Variants in ZDHHC20 observed in about 807,000 individuals in gnomAD.
The protein encoded by ZDHHC20 is palmitoyltransferase ZDHHC20.
Under a neutral mutation model 57.8 loss-of-function variants are expected in ZDHHC20, and 43 were observed. That is an observed-to-expected ratio of 0.74 (90% CI 0.58 to 0.96). The LOEUF (loss-of-function observed/expected upper bound fraction) is 0.96, where lower values mean the gene tolerates loss of function less well. Ranked by LOEUF, ZDHHC20 falls within the 40% of genes least tolerant of loss-of-function variation. ZDHHC20 has a pLI of 0.00. For synonymous variants in ZDHHC20, 157 were observed against 153.0 expected, an observed-to-expected ratio of 1.03 and a Z score of -0.19; for missense variants, 391 against 441.1, an observed-to-expected ratio of 0.89 and a Z score of 1.02.
At chr13:21,386,025 A>C (rs1162604562) in intron 9 of ZDHHC20, among the ~76,000 whole-genome samples, 1 of 152,224 alleles carries the variant, frequency 6.6e-6, no homozygotes, top group Non-Finnish European at 1.5e-5. Flanking sequence ...ACAGAAAATA[A>C]CTTCAAAATT....
intron 9 of ZDHHC20, among the ~76,000 whole-genome samples, chr13:21,386,074 G>C (rs553722063): frequency 1.3e-5 from 2 of 152,312 alleles, no homozygotes; most frequent in South Asian, 4.1e-4. Context: ...AGTAATCTGT[G>C]TTCCAACCAA....
chr13:21,407,065 T>C (rs758819267), intron 4 of ZDHHC20, among the ~76,000 whole-genome samples: 1 of 152,170 alleles, frequency 6.6e-6, no homozygotes, highest in Non-Finnish European at 1.5e-5. Context: ...CTCAGCTCAC[T>C]GCAACCTCCA....
intron 3 of ZDHHC20, among the ~76,000 whole-genome samples, chr13:21,415,558 C>A (rs1043727971): frequency 1.1e-4 from 16 of 152,162 alleles, no homozygotes; most frequent in Non-Finnish European, 1.5e-4. Context: ...ATCTAATCTT[C>A]CATCACAAGC....
intron 1 of ZDHHC20, among the ~76,000 whole-genome samples, chr13:21,431,550 A>C (rs941421911): frequency 6.6e-6 from 1 of 152,260 alleles, no homozygotes; most frequent in Admixed American, 6.5e-5. Context: ...GTAACAGCCA[A>C]ACTGTTTTCA....
intron 4 of ZDHHC20, among the ~76,000 whole-genome samples, chr13:21,405,913 C>T (rs539823909): frequency 9.2e-5 from 14 of 152,170 alleles, no homozygotes; most frequent in Non-Finnish European, 1.5e-4. Context: ...CCAGCAGGAT[C>T]TGAACTCAGA....
chr13:21,412,981 A>AC (rs1225642878), intron 4 of ZDHHC20, among the ~76,000 whole-genome samples: 2 of 151,612 alleles, frequency 1.3e-5, no homozygotes, highest in East Asian at 3.8e-4. Context: ...AAAAAAAAAA[A>AC]AAAAAAAAAA....
Position 21,459,290 on chromosome 13 carries a change from G to A in ZDHHC20, c.-119C>T, listed in dbSNP as rs1001970823. 1.4e-6 allele frequency: 1 copy of A among 691,242 alleles called. No homozygotes were observed. Among genetic ancestry groups the A allele is most frequent in the African/African-American group, 1.9e-5 (1 of 52,248 alleles). 42.8% of individuals were successfully genotyped at this position (691,242 alleles called of 1,614,324 possible). On this transcript the variant is annotated 5_prime_UTR_variant, in exon 1 of 13. Transcript: ENST00000400590. ...GTCCAGCTCCCCCGCCTCCGAGGCA[G>A]GACTTGTGGGAGCAAAAGTCCGAGG...
chr13:21,430,588 G>A (rs1362229730), intron 1 of ZDHHC20, among the ~76,000 whole-genome samples: 4 of 151,982 alleles, frequency 2.6e-5, no homozygotes, highest in African/African-American at 9.7e-5. Context: ...GAGAGTGGGG[G>A]ATGGAGCACA....
At chr13:21,441,471 C>T (rs1209758133) in intron 1 of ZDHHC20, among the ~76,000 whole-genome samples, 4 of 150,798 alleles carry the variant, frequency 2.7e-5, no homozygotes, top group East Asian at 1.9e-4. Flanking sequence ...CTGCAAGCTC[C>T]GCCTCCTGGG....
intron 4 of ZDHHC20, among the ~76,000 whole-genome samples, chr13:21,406,342 ACT>A (rs1878438022): frequency 6.6e-6 from 1 of 151,572 alleles, no homozygotes; most frequent in South Asian, 2.1e-4. Flanking sequence ...CATCTAATTG[ACT>A]CTAGTTAAGC....
At chr13:21,424,494 G>T (rs1881023373) in intron 2 of ZDHHC20, among the ~76,000 whole-genome samples, 1 of 152,104 alleles carries the variant, frequency 6.6e-6, no homozygotes, top group Admixed American at 6.5e-5. Flanking sequence ...CGAATCACGA[G>T]GTCAGGAGAT....
At chr13:21,415,161 A>C (rs1347128684) in intron 3 of ZDHHC20, among the ~76,000 whole-genome samples, 3 of 152,192 alleles carry the variant, frequency 2.0e-5, no homozygotes, top group Non-Finnish European at 4.4e-5. Context: ...TAGTAGAGAG[A>C]GCTCTGAGTT....
Position 21,430,216 on chromosome 13 carries a change from T to A in ZDHHC20, c.119-4538A>T, listed in dbSNP as rs150698096. Among the ~76,000 whole-genome samples, 546 of 152,262 alleles carry A rather than the reference T, an allele frequency of 3.6e-3. 1 individual carries two copies. The highest frequency in any genetic ancestry group is 5.8e-3 in the Non-Finnish European group (395 of 68,012). ...TTTGTTTTTGCAGGCCTCGTCTGAC[T>A]CCGTGCAGTGAGAGATGTGGGAGCA... is the stretch of plus-strand genomic sequence containing the variant. On this transcript the variant is annotated intron_variant, in intron 1 of 12. Coordinates refer to ENST00000400590, the MANE Select transcript of ZDHHC20 (RefSeq NM_001330059.2).
chr13:21,410,948 T>C (rs146614671), intron 4 of ZDHHC20, among the ~76,000 whole-genome samples: 2 of 152,168 alleles, frequency 1.3e-5, no homozygotes, highest in African/African-American at 4.8e-5. Flanking sequence ...TCTGCCCAAA[T>C]GGCCACCCAC....
intron 2 of ZDHHC20, among the ~76,000 whole-genome samples, chr13:21,424,295 T>C (rs116415586): frequency 0.013 from 1,934 of 152,124 alleles, 46 homozygotes; most frequent in African/African-American, 0.043. Context: ...ACTGAGAAAA[T>C]TAAATCAAAG....
intron 11 of ZDHHC20, among the ~76,000 whole-genome samples, chr13:21,380,558 C>T (rs1212086785): frequency 6.6e-6 from 1 of 151,836 alleles, no homozygotes; most frequent in Non-Finnish European, 1.5e-5. Context: ...CTTTGGGGGG[C>T]TGAGGCGGGT....
rs774905263 is a variant in ZDHHC20 at position 21,400,356 on chromosome 13, T to C, written c.594+17A>G. 42 of 1,569,746 alleles carry C rather than the reference T, an allele frequency of 2.7e-5. No homozygotes were observed. The highest frequency in any genetic ancestry group is 3.4e-4 in the Middle Eastern group (2 of 5,874). On this transcript the variant is annotated intron_variant, in intron 7 of 12. Coordinates refer to ENST00000400590, the MANE Select transcript of ZDHHC20 (RefSeq NM_001330059.2). Reference sequence around the variant, plus strand: ...AAAGTCTTAAATACATGTTTCAAGATAGAAAAAAAGACTTACCGTCCAAAA... The same window carrying C: ...AAAGTCTTAAATACATGTTTCAAGACAGAAAAAAAGACTTACCGTCCAAAA...
chr13:21,455,400 C>T (rs551092639), intron 1 of ZDHHC20, among the ~76,000 whole-genome samples: 1 of 152,240 alleles, frequency 6.6e-6, no homozygotes, highest in African/African-American at 2.4e-5. Context: ...TAGCACTTGC[C>T]TCAAAAATAA....
rs1566059674 is a variant in ZDHHC20, at chr13:21,379,811, T to TTTTTC, written c.1061-1074_1061-1073insGAAAA. Among the ~76,000 whole-genome samples the TTTTTC allele has an allele frequency of 6.1e-5, 7 of 115,566 alleles. 1 individual carries two copies. The allele number at this position is 115,566 out of a possible 152,430, so 75.8% of individuals were successfully genotyped here. On this transcript the variant is annotated intron_variant, in intron 11 of 12. Coordinates refer to ENST00000400590, the MANE Select transcript of ZDHHC20 (RefSeq NM_001330059.2). Reference sequence around the variant, plus strand: ...GGTTAAAATATATTCAGTGTGCTCTTTTTTTTCTTTTTTCTTTTTTTTTGA... The same window carrying TTTTTC: ...GGTTAAAATATATTCAGTGTGCTCTTTTTTCTTTTTTCTTTTTTCTTTTTTTTTGA...
Sources: gnomAD v4.1 joint callset for allele counts (sites outside exome capture counted in the v4.1 genomes callset) on GRCh38, gnomAD v4.1.1 for gene constraint, MANE v1.5 for transcripts, NCBI Gene and HGNC (gene_info 2026-07-23, HGNC 2026-07-21) for gene names.